Variants in VWA8 observed in about 807,000 individuals in gnomAD.
The protein encoded by VWA8 is von Willebrand factor A domain-containing protein 8.
VWA8 carries 221 observed loss-of-function variants against 241.5 expected under a neutral mutation model. That is an observed-to-expected ratio of 0.91 (90% CI 0.82 to 1.02). The LOEUF (loss-of-function observed/expected upper bound fraction) is 1.02. Ranked by LOEUF, VWA8 falls within the 50% of genes least tolerant of loss-of-function variation. The probability of loss-of-function intolerance (pLI) is 0.00; values close to 1 mark genes in which losing one functional copy is unlikely to be tolerated. For missense variants in VWA8, 2,322 were observed against 2,328.7 expected (o/e 1.00, Z 0.06); for synonymous variants, 852 against 827.1 (o/e 1.03, Z -0.52).
At position 41,731,997 on chromosome 13, in the gene VWA8, T is replaced by A. The variant is rs955328988; in HGVS notation, c.2502+83A>T. Reference sequence around the variant, plus strand: ...TGAAAACAGACTAATACGTAATCCATGAGAGTTCCATCCTCCAAAAACTGA... The same window carrying A: ...TGAAAACAGACTAATACGTAATCCAAGAGAGTTCCATCCTCCAAAAACTGA... On this transcript the variant is annotated intron_variant, in intron 22 of 44. Transcript: ENST00000379310. 3.4e-6 allele frequency: 4 copies of A among 1,179,472 alleles called. No homozygotes were observed. The African/African-American group carries it at 6.1e-5, about 18-fold the overall frequency. The allele number at this position is 1,179,472 out of a possible 1,614,324, so 73.1% of individuals were successfully genotyped here.
At chr13:41,863,419 G>GAATA (rs1236626675) in intron 12 of VWA8, among the ~76,000 whole-genome samples, 3 of 70,074 alleles carry the variant, frequency 4.3e-5, no homozygotes, top group Admixed American at 2.9e-4. Flanking sequence ...GTGTGTGTGT[G>GAATA]TGTGTGTGTG....
At chr13:41,892,996 C>T (rs1874917617) in intron 4 of VWA8, among the ~76,000 whole-genome samples, 1 of 152,158 alleles carries the variant, frequency 6.6e-6, no homozygotes, top group South Asian at 2.1e-4. Context: ...CTGGTTATCT[C>T]CTTCTACACA....
intron 14 of VWA8, among the ~76,000 whole-genome samples, chr13:41,820,532 T>C (rs1273961867): frequency 6.6e-6 from 1 of 152,150 alleles, no homozygotes; most frequent in Non-Finnish European, 1.5e-5. Context: ...TTTTAGAAAC[T>C]GGTCACATGA....
At chr13:41,810,744 T>A (rs959942935) in intron 17 of VWA8, among the ~76,000 whole-genome samples, 2 of 152,048 alleles carry the variant, frequency 1.3e-5, no homozygotes, top group African/African-American at 4.8e-5. Context: ...TGTTCATTTT[T>A]AAGTAACTAA....
At chr13:41,777,289 C>T (rs1396710251) in intron 20 of VWA8, among the ~76,000 whole-genome samples, 2 of 152,050 alleles carry the variant, frequency 1.3e-5, no homozygotes, top group Admixed American at 1.3e-4. Context: ...GCAGGAAAAA[C>T]CTATTCAGCC....
chr13:41,870,635 C>CAAA, intron 9 of VWA8, among the ~76,000 whole-genome samples: 1 of 61,164 alleles, frequency 1.6e-5, no homozygotes, highest in African/African-American at 6.2e-5. Context: ...GACTCCGTCT[C>CAAA]AAAAAAAAAA....
chr13:41,796,433 C>T (rs1869705318), intron 17 of VWA8, among the ~76,000 whole-genome samples: 1 of 152,104 alleles, frequency 6.6e-6, no homozygotes, highest in Non-Finnish European at 1.5e-5. Flanking sequence ...AGGTAATACA[C>T]ATGATTCCAG....
chr13:41,693,075 A>T, intron 29 of VWA8, 103 bp from the exon 30 acceptor site: 1 of 679,682 alleles, frequency 1.5e-6, no homozygotes. Flanking sequence ...TTATAGTGAT[A>T]AATCAAAACA....
Position 41,886,935 on chromosome 13 carries a change from A to C in VWA8, c.817-105T>G, listed in dbSNP as rs1022656755. 3 of 948,462 alleles carry C rather than the reference A, an allele frequency of 3.2e-6. No homozygotes were observed. The African/African-American group carries it at 5.2e-5, about 16-fold the overall frequency. 58.8% of individuals were successfully genotyped at this position (948,462 alleles called of 1,614,324 possible). On this transcript the variant is annotated intron_variant, in intron 6 of 44. Transcript: ENST00000379310. Reference sequence around the variant, plus strand: ...CAACCTTTTAATTAAGCAGACACTAAATATTTAACAGCAAAAAATCATTTA... The same window carrying C: ...CAACCTTTTAATTAAGCAGACACTACATATTTAACAGCAAAAAATCATTTA...
chr13:41,592,976 T>C (rs575357862), intron 40 of VWA8, among the ~76,000 whole-genome samples: 6 of 152,284 alleles, frequency 3.9e-5, no homozygotes, highest in Admixed American at 6.5e-5. Flanking sequence ...TTTATTGCAG[T>C]GGATAAAACA....
intron 12 of VWA8, among the ~76,000 whole-genome samples, chr13:41,841,820 AATATATATATATATAT>A (rs1242263993): frequency 1.3e-3 from 29 of 22,224 alleles, no homozygotes; most frequent in South Asian, 8.5e-3. Flanking sequence ...AAAAAAAAAA[AATATATATATATATAT>A]ATATATATAT....
chr13:41,730,016 T>C (rs2045470117), intron 22 of VWA8, among the ~76,000 whole-genome samples: 1 of 152,050 alleles, frequency 6.6e-6, no homozygotes, highest in Non-Finnish European at 1.5e-5. Context: ...AAAACAAGCA[T>C]AACAAATAGA....
At chr13:41,908,481 A>AAAAC (rs1464607096) in intron 3 of VWA8, among the ~76,000 whole-genome samples, 1 of 152,164 alleles carries the variant, frequency 6.6e-6, no homozygotes, top group Non-Finnish European at 1.5e-5. Context: ...CAAGGGAAAA[A>AAAAC]AAACAAACAA....
intron 42 of VWA8, 111 bp from the exon 43 acceptor site, chr13:41,575,949 T>A: frequency 1.4e-6 from 1 of 705,598 alleles, no homozygotes. Context: ...GCTCAACATA[T>A]GGCCATAAAG....
chr13:41,760,220 T>C (rs1483823349), intron 21 of VWA8, among the ~76,000 whole-genome samples: 1 of 151,796 alleles, frequency 6.6e-6, no homozygotes, highest in Admixed American at 6.6e-5. Context: ...TTTATTGTGG[T>C]AGGGCTAATC....
intron 14 of VWA8, among the ~76,000 whole-genome samples, chr13:41,826,998 C>A: frequency 6.6e-6 from 1 of 152,060 alleles, no homozygotes; most frequent in East Asian, 1.9e-4. Context: ...AAAAATAAGG[C>A]AATATATACA....
rs1324499687 is a variant in VWA8, at chr13:41,605,294, T to G, written c.4878-18A>C. 6 of 1,610,836 alleles carry G rather than the reference T, an allele frequency of 3.7e-6. No homozygotes were observed. Among genetic ancestry groups the G allele is most frequent in the Non-Finnish European group, 5.1e-6 (6 of 1,178,098 alleles). On this transcript the variant is annotated intron_variant, in intron 39 of 44. Transcript: ENST00000379310. ...CCTTTAGCCTGAAATCAGAAGAGTA[T>G]AAAAAGTTAACAGCTTAAATCACGT... is the stretch of plus-strand genomic sequence containing the variant.
intron 12 of VWA8, among the ~76,000 whole-genome samples, chr13:41,863,455 T>TATATTCACA (rs1566485517): frequency 2.3e-5 from 2 of 87,188 alleles, no homozygotes; most frequent in African/African-American, 4.3e-5. Context: ...ATATATATAT[T>TATATTCACA]CACACACACA....
At chr13:41,870,113 TA>T (rs917286825) in intron 9 of VWA8, among the ~76,000 whole-genome samples, 1 of 150,962 alleles carries the variant, frequency 6.6e-6, no homozygotes, top group African/African-American at 2.4e-5. Flanking sequence ...TCCCCAAACC[TA>T]AAAAAAAACC....
Sources: allele counts gnomAD v4.1 joint callset (sites outside exome capture counted in the v4.1 genomes callset), GRCh38; gene constraint gnomAD v4.1.1; transcripts MANE v1.5; gene names NCBI Gene and HGNC (gene_info 2026-07-23, HGNC 2026-07-21).